The following MAPRE2 variants were observed in gnomAD, a reference collection of about 807,000 sequenced individuals.
MAPRE2 encodes the protein microtubule associated protein RP/EB family member 2, also known as microtubule-associated protein RP/EB family member 2.
A neutral mutation model predicts 43.2 loss-of-function variants in MAPRE2; 13 were observed. The observed-to-expected ratio is 0.30, with a 90% confidence interval of 0.20 to 0.48. The LOEUF (loss-of-function observed/expected upper bound fraction) is 0.48. Among genes scored for constraint, MAPRE2 ranks in the 20% least tolerant of loss-of-function variants. The pLI, the probability that MAPRE2 is intolerant of heterozygous loss-of-function variation, is 0.99. For missense variants in MAPRE2, 161 were observed against 400.2 expected (o/e 0.40, Z 5.10); for synonymous variants, 135 against 148.8 (o/e 0.91, Z 0.68).
At chr18:35,131,843 G>A in intron 5 of MAPRE2, 189 bp from the exon 6 acceptor site, 6 of 588,172 alleles carry the variant, frequency 1.0e-5, no homozygotes, top group Non-Finnish European at 1.8e-5. Flanking sequence ...GAGTGCTGTG[G>A]AGAATTGGAC....
At chr18:35,025,898 A>G (rs1161525996) in intron 2 of MAPRE2, among the ~76,000 whole-genome samples, 1 of 152,236 alleles carries the variant, frequency 6.6e-6, no homozygotes, top group East Asian at 1.9e-4. Flanking sequence ...ATTCCAGGTT[A>G]GGCCGAAACC....
chr18:35,064,000 TAAAAAAAA>T (rs575347953), intron 1 of MAPRE2, among the ~76,000 whole-genome samples: 32 of 33,972 alleles, frequency 9.4e-4, no homozygotes, highest in African/African-American at 1.2e-3. Context: ...CCTGTCTCTT[TAAAAAAAA>T]AAAAAAAAAA....
intron 5 of MAPRE2, among the ~76,000 whole-genome samples, chr18:35,129,074 T>C (rs1004574428): frequency 2.6e-5 from 4 of 152,170 alleles, no homozygotes; most frequent in African/African-American, 9.7e-5. Context: ...GCCTTCCTGT[T>C]ATAATCCTTT....
intron 2 of MAPRE2, among the ~76,000 whole-genome samples, chr18:35,070,995 A>G (rs894811072): frequency 1.3e-5 from 2 of 152,068 alleles, no homozygotes; most frequent in Non-Finnish European, 2.9e-5. Flanking sequence ...CACTGTGCTC[A>G]TCCTCCAAAA....
In MAPRE2 at chr18:35,143,024, GC is replaced by G. The variant is rs1910731058; in HGVS notation, c.*2656del. 1 of 147,738 alleles carries G rather than the reference GC, an allele frequency of 6.8e-6. No individual in the cohort carries two copies. The highest frequency in any genetic ancestry group is 6.9e-5 in the Admixed American group (1 of 14,568). 9.2% of individuals were successfully genotyped at this position (147,738 alleles called of 1,614,324 possible). On this transcript the variant is annotated 3_prime_UTR_variant, in exon 7 of 7. Transcript: ENST00000300249. ...TACTGTCAGATAGGAAGTGATCGAA[GC>G]AGGGGGCAAAGAGAAAGCCCATATT...
chr18:35,012,069 G>A (rs532547445), intron 2 of MAPRE2, among the ~76,000 whole-genome samples: 2 of 152,286 alleles, frequency 1.3e-5, no homozygotes, highest in South Asian at 4.1e-4. Context: ...CAGTGCTGTG[G>A]TTGGCAGAAG....
intron 6 of MAPRE2, 66 bp from the exon 7 acceptor site, chr18:35,140,229 G>C (rs1910568509): frequency 8.4e-6 from 12 of 1,425,422 alleles, no homozygotes; most frequent in Non-Finnish European, 9.8e-6. Context: ...GTGGCAATGG[G>C]CTGGGATGCT....
chr18:35,037,748 T>C (rs17669142), upstream of MAPRE2, among the ~76,000 whole-genome samples: 9,099 of 152,268 alleles, frequency 0.06, 392 homozygotes, highest in East Asian at 0.21. Flanking sequence ...AACTTGCTAG[T>C]TCACAGTATT....
At chr18:34,980,450 CA>C (rs949805569) in intron 1 of MAPRE2, among the ~76,000 whole-genome samples, 30 of 152,108 alleles carry the variant, frequency 2.0e-4, no homozygotes, top group African/African-American at 7.2e-4. Flanking sequence ...TCTATTTTCT[CA>C]TAGGGGCCTC....
intron 4 of MAPRE2, among the ~76,000 whole-genome samples, chr18:35,104,606 T>A (rs111452045): frequency 6.6e-6 from 1 of 151,876 alleles, no homozygotes; most frequent in African/African-American, 2.4e-5. Flanking sequence ...ATAGATAAAG[T>A]GTTAGAAAGG....
At chr18:34,982,026 A>AG (rs1260948006) in intron 1 of MAPRE2, among the ~76,000 whole-genome samples, 1 of 151,406 alleles carries the variant, frequency 6.6e-6, no homozygotes, top group African/African-American at 2.4e-5. Flanking sequence ...CTGGGACTAC[A>AG]GCCCCCGCCA....
At chr18:35,021,238 T>C (rs539033793) in intron 2 of MAPRE2, among the ~76,000 whole-genome samples, 82 of 152,308 alleles carry the variant, frequency 5.4e-4, no homozygotes, top group Non-Finnish European at 1.0e-3. Context: ...ATGTTGAACA[T>C]GATGCAAGTA....
upstream of MAPRE2, among the ~76,000 whole-genome samples, chr18:35,039,614 G>C (rs544870319): frequency 5.9e-5 from 9 of 152,322 alleles, no homozygotes; most frequent in South Asian, 1.9e-3. Flanking sequence ...CCCCTTGTTT[G>C]AGATTATCCT....
At chr18:34,987,425 C>A (rs188603584) in intron 1 of MAPRE2, among the ~76,000 whole-genome samples, 2 of 152,136 alleles carry the variant, frequency 1.3e-5, no homozygotes, top group African/African-American at 4.8e-5. Flanking sequence ...GAATCACATG[C>A]GTGTTGAAGT....
intron 2 of MAPRE2, among the ~76,000 whole-genome samples, chr18:35,013,148 A>G (rs1355822757): frequency 6.6e-6 from 1 of 152,228 alleles, no homozygotes; most frequent in Non-Finnish European, 1.5e-5. Context: ...TGTCATGTTC[A>G]GAATGGGAGC....
In MAPRE2 at chr18:35,053,013, CA is replaced by C. The variant is rs767428175; in HGVS notation, c.122+11353del. ...ACTTGAATATAAAGTCCCCCCCACACACACACACAAAAAGACCTAGTCTTTG... is the reference window on the plus strand; with the variant it reads ...ACTTGAATATAAAGTCCCCCCCACACCACACACAAAAAGACCTAGTCTTTG... On this transcript the variant is annotated intron_variant, in intron 1 of 6. Transcript: ENST00000300249. 5.7e-3 allele frequency among the ~76,000 whole-genome samples: 720 copies of C among 126,414 alleles called. 10 individuals are homozygous for C. The highest frequency in any genetic ancestry group is 0.021 in the South Asian group (72 of 3,426). The allele number at this position is 126,414 out of a possible 152,430, so 82.9% of individuals were successfully genotyped here.
At chr18:35,007,198 G>T (rs1467049911) in intron 2 of MAPRE2, among the ~76,000 whole-genome samples, 2 of 152,162 alleles carry the variant, frequency 1.3e-5, no homozygotes, top group Non-Finnish European at 2.9e-5. Context: ...CCTTATAGTA[G>T]GTGGTCCATA....
chr18:35,132,212 C>T (rs780102097), intron 6 of MAPRE2, 22 bp downstream of exon 6: 1 of 1,610,936 alleles, frequency 6.2e-7, no homozygotes, highest in South Asian at 1.1e-5. Context: ...GAGCATGTGA[C>T]TCCTGTGTTC....
chr18:35,080,785 C>T (rs16966417), intron 2 of MAPRE2, among the ~76,000 whole-genome samples: 3,672 of 151,156 alleles, frequency 0.024, 139 homozygotes, highest in African/African-American at 0.084. Context: ...CTTGGCAACT[C>T]GTAAAGACAC....
Sources: gnomAD v4.1 joint callset for allele counts (sites outside exome capture counted in the v4.1 genomes callset) on GRCh38, gnomAD v4.1.1 for gene constraint, MANE v1.5 for transcripts, NCBI Gene and HGNC (gene_info 2026-07-23, HGNC 2026-07-21) for gene names.